The following TAF3 variants were observed in gnomAD, a reference collection of about 807,000 sequenced individuals.
TAF3 encodes the protein TATA-box binding protein associated factor 3.
TAF3 carries 7 observed loss-of-function variants against 80.6 expected under a neutral mutation model. The observed-to-expected ratio is 0.09, with a 90% confidence interval of 0.05 to 0.16. The LOEUF is 0.16. Among genes scored for constraint, TAF3 ranks in the 10% least tolerant of loss-of-function variants. The pLI is 1.00. For synonymous variants in TAF3, 444 were observed against 446.1 expected (o/e 1.00, Z 0.06); for missense variants, 921 against 1,140.2 (o/e 0.81, Z 2.77).
At chr10:7,910,813 A>C (rs1837650579) in intron 2 of TAF3, among the ~76,000 whole-genome samples, 1 of 152,256 alleles carries the variant, frequency 6.6e-6, no homozygotes, top group Non-Finnish European at 1.5e-5. Flanking sequence ...TTTATTGTAT[A>C]CTGAATCACA....
chr10:8,015,010 C>G lies in TAF3; in HGVS notation c.*259C>G, dbSNP rs536153390. The G allele has an allele frequency of 2.3e-5, 8 of 341,468 alleles. No individual in the cohort carries two copies. Among genetic ancestry groups the G allele is most frequent in the African/African-American group, 1.5e-4 (7 of 48,236 alleles). The allele number at this position is 341,468 out of a possible 1,614,324, so 21.2% of individuals were successfully genotyped here. On this transcript the variant is annotated 3_prime_UTR_variant, in exon 7 of 7. Transcript: ENST00000344293. ...TGGGGGCTGCCCCTCCTCCACTTCT[C>G]TAATACCAGTGACAAGTATTATTAA... is the stretch of plus-strand genomic sequence containing the variant.
At chr10:7,908,096 A>G (rs535992188) in intron 2 of TAF3, among the ~76,000 whole-genome samples, 1 of 152,232 alleles carries the variant, frequency 6.6e-6, no homozygotes, top group Admixed American at 6.5e-5. Context: ...CACATTTCCA[A>G]CCTGCTTTCA....
chr10:7,829,009 G>A (rs1389621192), intron 2 of TAF3, among the ~76,000 whole-genome samples: 2 of 118,870 alleles, frequency 1.7e-5, no homozygotes, highest in African/African-American at 3.2e-5. Flanking sequence ...CAGCCTGGGT[G>A]ACAGAGTGAG....
intron 3 of TAF3, among the ~76,000 whole-genome samples, chr10:7,976,610 G>A (rs1831675579): frequency 6.6e-6 from 1 of 151,932 alleles, no homozygotes; most frequent in South Asian, 2.1e-4. Context: ...TCACCATGTT[G>A]GCCAAACTGA....
chr10:8,004,120 G>A (rs1157024374), intron 4 of TAF3, among the ~76,000 whole-genome samples: 3 of 151,538 alleles, frequency 2.0e-5, no homozygotes, highest in African/African-American at 4.8e-5. Flanking sequence ...GCATGATCAC[G>A]GCCCACTGCA....
At chr10:7,978,588 A>G (rs760614354) in intron 4 of TAF3, among the ~76,000 whole-genome samples, 46 of 152,190 alleles carry the variant, frequency 3.0e-4, no homozygotes, top group Non-Finnish European at 6.2e-4. Flanking sequence ...GAAACCAGCT[A>G]TCTGGTATAC....
At chr10:7,856,739 T>C (rs75618774) in intron 2 of TAF3, among the ~76,000 whole-genome samples, 4,360 of 152,146 alleles carry the variant, frequency 0.029, 91 homozygotes, top group South Asian at 0.084. Flanking sequence ...TGGAACATTT[T>C]GTTATACCAA....
Position 8,015,934 on chromosome 10 carries a change from CATTA to C in TAF3, c.*1186_*1189del, listed in dbSNP as rs559675664. 132 of 150,884 alleles carry C rather than the reference CATTA, an allele frequency of 8.7e-4. No individual in the cohort carries two copies. The highest frequency in any genetic ancestry group is 3.1e-3 in the African/African-American group (128 of 41,190). The allele number at this position is 150,884 out of a possible 1,614,324, so 9.3% of individuals were successfully genotyped here. On this transcript the variant is annotated 3_prime_UTR_variant, in exon 7 of 7. Transcript: ENST00000344293. ...ATTGTTTTATTTCTACAAATCTGTTCATTAATATTGTGCTTTAAGGCTGAAATGA... is the reference window on the plus strand; with the variant it reads ...ATTGTTTTATTTCTACAAATCTGTTCATATTGTGCTTTAAGGCTGAAATGA...
chr10:7,962,704 CG>C (rs1302491745), intron 2 of TAF3, among the ~76,000 whole-genome samples: 1 of 152,196 alleles, frequency 6.6e-6, no homozygotes, highest in Non-Finnish European at 1.5e-5. Flanking sequence ...AAGCCTCCTC[CG>C]CATGATTGAC....
chr10:7,949,219 G>T (rs554317949), intron 2 of TAF3, among the ~76,000 whole-genome samples: 13 of 151,468 alleles, frequency 8.6e-5, no homozygotes, highest in African/African-American at 2.9e-4. Flanking sequence ...CTGTAAATCA[G>T]AGTCCACTTG....
At chr10:7,944,263 A>G (rs1233672413) in intron 2 of TAF3, among the ~76,000 whole-genome samples, 1 of 152,138 alleles carries the variant, frequency 6.6e-6, no homozygotes, top group Non-Finnish European at 1.5e-5. Context: ...AGGTGGCTGA[A>G]TGCTAATTTT....
At chr10:7,898,255 C>A (rs1257772489) in intron 2 of TAF3, among the ~76,000 whole-genome samples, 1 of 152,000 alleles carries the variant, frequency 6.6e-6, no homozygotes, top group Non-Finnish European at 1.5e-5. Context: ...CATGAAGAAT[C>A]TAACTCTTAG....
rs564178301 is a variant in TAF3, at chr10:7,850,026, A to G, written c.409+25466A>G. Among the ~76,000 whole-genome samples, 24 of 150,214 alleles carry G rather than the reference A, an allele frequency of 1.6e-4. No individual in the cohort carries two copies. The South Asian group carries it at 4.8e-3, about 30-fold the overall frequency. ...AAAAAATAGGGAATATTATTTGTTAAAAATTGTTGGGATTCATTGAGTGAG... is the reference window on the plus strand; with the variant it reads ...AAAAAATAGGGAATATTATTTGTTAGAAATTGTTGGGATTCATTGAGTGAG... On this transcript the variant is annotated intron_variant, in intron 2 of 6. Transcript: ENST00000344293.
intron 2 of TAF3, among the ~76,000 whole-genome samples, chr10:7,894,432 G>T (rs1434080227): frequency 6.6e-6 from 1 of 152,196 alleles, no homozygotes; most frequent in Non-Finnish European, 1.5e-5. Context: ...TAGGTCACTG[G>T]TGGAGAGGTG....
intron 2 of TAF3, among the ~76,000 whole-genome samples, chr10:7,953,334 T>G (rs2131404786): frequency 6.6e-6 from 1 of 152,360 alleles, no homozygotes; most frequent in African/African-American, 2.4e-5. Context: ...AACTGTTGCT[T>G]GTTGGTCAGT....
At chr10:7,865,214 T>C (rs1837198631) in intron 2 of TAF3, among the ~76,000 whole-genome samples, 1 of 152,026 alleles carries the variant, frequency 6.6e-6, no homozygotes. Flanking sequence ...ATGCCTGTAA[T>C]CCCAGCACTC....
At chr10:7,837,274 A>G (rs769131796) in intron 2 of TAF3, among the ~76,000 whole-genome samples, 1 of 151,402 alleles carries the variant, frequency 6.6e-6, no homozygotes. Context: ...GAGGCAGGAG[A>G]ATTGCTTGAA....
chr10:7,972,691 A>G (rs577159110), intron 3 of TAF3, among the ~76,000 whole-genome samples: 56 of 152,248 alleles, frequency 3.7e-4, no homozygotes, highest in African/African-American at 1.3e-3. Flanking sequence ...ATTTTTACAT[A>G]TTGTATTATT....
intron 2 of TAF3, among the ~76,000 whole-genome samples, chr10:7,897,662 T>G (rs996994224): frequency 2.7e-5 from 4 of 149,118 alleles, no homozygotes; most frequent in Admixed American, 1.3e-4. Context: ...CTCTCTCTCT[T>G]TCTTTCTTTC....
Sources: allele counts gnomAD v4.1 joint callset (sites outside exome capture counted in the v4.1 genomes callset), GRCh38; gene constraint gnomAD v4.1.1; transcripts MANE v1.5; gene names NCBI Gene and HGNC (gene_info 2026-07-23, HGNC 2026-07-21).